Variants in PLXNA1 observed in about 807,000 individuals in gnomAD.
PLXNA1 encodes plexin-A1.
A neutral mutation model predicts 191.7 loss-of-function variants in PLXNA1; 77 were observed. That is an observed-to-expected ratio of 0.40 (90% CI 0.33 to 0.49). The LOEUF (loss-of-function observed/expected upper bound fraction) is 0.49. PLXNA1 is among the 20% of genes least tolerant of loss of function. The pLI, the probability that PLXNA1 is intolerant of heterozygous loss-of-function variation, is 0.63. For missense variants in PLXNA1, 2,110 were observed against 2,660.2 expected (o/e 0.79, Z 4.55); for synonymous variants, 1,137 against 1,156.4 (o/e 0.98, Z 0.34).
In PLXNA1 at chr3:127,027,932, C is replaced by T; in HGVS notation, c.4363-8C>T. On this transcript the variant is annotated splice_polypyrimidine_tract_variant and splice_region_variant and intron_variant, in intron 23 of 31. Coordinates refer to ENST00000393409, the MANE Select transcript of PLXNA1 (RefSeq NM_032242.4). ...CCTGGCTGCAGCCTCATGCCGCCAC[C>T]CCCGCAGGAGTGCGCTGGGGAGCCG... The T allele has an allele frequency of 8.7e-6, 14 of 1,613,148 alleles. No individual in the cohort carries two copies. The highest frequency in any genetic ancestry group is 1.1e-5 in the Non-Finnish European group (13 of 1,179,912).
intron 7 of PLXNA1, 97 bp downstream of exon 7, chr3:127,005,340 G>A (rs753291183): frequency 1.4e-6 from 2 of 1,416,582 alleles, no homozygotes; most frequent in Non-Finnish European, 1.9e-6. Context: ...TCAGTTCCAA[G>A]GGCATGTTGG....
intron 29 of PLXNA1, chr3:127,032,060 A>C: frequency 3.0e-6 from 1 of 338,454 alleles, no homozygotes. Context: ...AGTGCAAGCC[A>C]GCATGCAGGC....
rs180971830 is a variant in PLXNA1 at position 126,994,339 on chromosome 3, G to A, written c.1377+2773G>A. ...GCTGTCTGGCTAGCTCCTGCCCTCC[G>A]ACCTGGCTGGGAGTGCTGCTGCTGT... is the stretch of plus-strand genomic sequence containing the variant. On this transcript the variant is annotated intron_variant, in intron 3 of 31. Coordinates refer to ENST00000393409, the MANE Select transcript of PLXNA1 (RefSeq NM_032242.4). Among the ~76,000 whole-genome samples the A allele has an allele frequency of 5.0e-4, 76 of 152,272 alleles. 1 individual carries two copies. The highest frequency in any genetic ancestry group is 1.5e-3 in the African/African-American group (62 of 41,554).
intron 26 of PLXNA1, 97 bp from the exon 27 acceptor site, chr3:127,029,343 C>A: frequency 8.7e-7 from 1 of 1,155,330 alleles, no homozygotes; most frequent in Non-Finnish European, 1.3e-6. Flanking sequence ...CCAGGCACAG[C>A]ACTAGGGTGT....
At chr3:127,012,475 A>G (rs1384749782) in intron 10 of PLXNA1, among the ~76,000 whole-genome samples, 1 of 152,212 alleles carries the variant, frequency 6.6e-6, no homozygotes, top group Non-Finnish European at 1.5e-5. Flanking sequence ...ACATTGCAGC[A>G]TCCGTGGGTC....
chr3:127,014,957 G>T (rs1255759487), intron 14 of PLXNA1, 126 bp downstream of exon 14: 21 of 1,448,592 alleles, frequency 1.4e-5, no homozygotes, highest in Non-Finnish European at 1.8e-5. Context: ...CACGGCCTGG[G>T]TGCTGCCCCT....
intron 25 of PLXNA1, among the ~76,000 whole-genome samples, chr3:127,028,564 T>G (rs944890636): frequency 6.6e-6 from 1 of 151,986 alleles, no homozygotes; most frequent in Admixed American, 6.5e-5. Context: ...TCCAGTGCAC[T>G]CTGGGAGGCA....
chr3:127,013,847 A>G (rs2079107634), intron 10 of PLXNA1, among the ~76,000 whole-genome samples, 173 bp from the exon 11 acceptor site: 1 of 152,122 alleles, frequency 6.6e-6, no homozygotes, highest in African/African-American at 2.4e-5. Context: ...GCCTGGAGAG[A>G]GGGGGCTCTG....
chr3:127,018,010 C>T (rs914301012), intron 19 of PLXNA1, 118 bp downstream of exon 19: 23 of 1,382,668 alleles, frequency 1.7e-5, no homozygotes, highest in East Asian at 9.9e-5. Context: ...GCTCAGAGGG[C>T]GCCCGGCTCC....
chr3:127,000,109 G>T (rs1251226753), intron 3 of PLXNA1, among the ~76,000 whole-genome samples: 1 of 151,832 alleles, frequency 6.6e-6, no homozygotes, highest in African/African-American at 2.4e-5. Context: ...TCTCAAGCAG[G>T]GGGCGGCATG....
chr3:127,027,497 C>T (rs940923762), intron 23 of PLXNA1: 17 of 368,474 alleles, frequency 4.6e-5, no homozygotes, highest in Admixed American at 2.9e-4. Flanking sequence ...GTATGGGGTC[C>T]GCTTGTGCCA....
Position 127,001,572 on chromosome 3 carries a change from C to T in PLXNA1, c.1378-1758C>T, listed in dbSNP as rs369488740. 5.9e-5 allele frequency among the ~76,000 whole-genome samples: 9 copies of T among 152,338 alleles called. 1 individual carries two copies. The South Asian group carries it at 1.9e-3, about 32-fold the overall frequency. On this transcript the variant is annotated intron_variant, in intron 3 of 31. Transcript: ENST00000393409. ...AGATGAGAGGAATCGTGGTCCCTAA[C>T]CGGGGTCTTCCAGGTTGGAGCCGCA...
At chr3:127,013,224 C>T (rs1237924960) in intron 10 of PLXNA1, among the ~76,000 whole-genome samples, 1 of 152,238 alleles carries the variant, frequency 6.6e-6, no homozygotes, top group African/African-American at 2.4e-5. Flanking sequence ...AACTCTTCGC[C>T]TGCCCTGCAC....
chr3:127,003,293 T>A (rs1043039247), intron 3 of PLXNA1, 37 bp from the exon 4 acceptor site: 4 of 1,548,686 alleles, frequency 2.6e-6, no homozygotes, highest in Non-Finnish European at 3.5e-6. Context: ...CAGGGAGGTA[T>A]CAGCACAGCT....
At chr3:127,005,373 G>C in intron 7 of PLXNA1, 130 bp downstream of exon 7, 6 of 1,198,038 alleles carry the variant, frequency 5.0e-6, no homozygotes, top group Non-Finnish European at 6.8e-6. Flanking sequence ...AGCTGATATG[G>C]GTGGGGGTCT....
chr3:127,030,553 C>A, intron 29 of PLXNA1, 141 bp downstream of exon 29: 1 of 1,012,312 alleles, frequency 9.9e-7, no homozygotes, highest in Non-Finnish European at 1.4e-6. Flanking sequence ...CATGGCGGGC[C>A]AGTCCTGTGC....
intron 3 of PLXNA1, among the ~76,000 whole-genome samples, chr3:126,995,136 A>G (rs2079009202): frequency 6.6e-6 from 1 of 152,054 alleles, no homozygotes; most frequent in East Asian, 1.9e-4. Flanking sequence ...GTGAAATTGT[A>G]GCTGATTAAT....
intron 21 of PLXNA1, among the ~76,000 whole-genome samples, chr3:127,021,117 T>C (rs1048174357): frequency 3.9e-5 from 6 of 152,180 alleles, no homozygotes; most frequent in African/African-American, 1.4e-4. Flanking sequence ...TCCCTTGTGG[T>C]GACTCTGTTG....
At chr3:127,024,611 G>A (rs1373632547) in intron 23 of PLXNA1, among the ~76,000 whole-genome samples, 3 of 152,164 alleles carry the variant, frequency 2.0e-5, no homozygotes, top group Non-Finnish European at 4.4e-5. Context: ...GCCCACCCTC[G>A]TTGTTAGTGG....
Sources: gnomAD v4.1 joint callset for allele counts (sites outside exome capture counted in the v4.1 genomes callset) on GRCh38, gnomAD v4.1.1 for gene constraint, MANE v1.5 for transcripts, NCBI Gene and HGNC (gene_info 2026-07-23, HGNC 2026-07-21) for gene names.